Variants in AUTS2 observed in about 807,000 individuals in gnomAD.
AUTS2 encodes the protein autism susceptibility gene 2 protein.
A neutral mutation model predicts 112.4 loss-of-function variants in AUTS2; 17 were observed. The observed-to-expected ratio is 0.15, with a 90% CI of 0.10 to 0.23. The LOEUF is 0.23. Among genes scored for constraint, AUTS2 ranks in the 10% least tolerant of loss-of-function variants. AUTS2 has a pLI of 1.00. For missense variants in AUTS2, 1,510 were observed against 1,701.6 expected (o/e 0.89, Z 1.98); for synonymous variants, 751 against 702.7 (o/e 1.07, Z -1.09).
chr7:70,568,186 T>C lies in AUTS2; in HGVS notation c.691-130383T>C, dbSNP rs76581898. On this transcript the variant is annotated intron_variant, in intron 5 of 18. Coordinates refer to ENST00000342771, the MANE Select transcript of AUTS2 (RefSeq NM_015570.4). ...CTTTGCACATGTTCACTTTCTAATA[T>C]AGTGTCTTCTTGGGGAGACTGTTTT... 9.6e-3 allele frequency among the ~76,000 whole-genome samples: 1,461 copies of C among 152,346 alleles called. 25 individuals are homozygous for C. Among genetic ancestry groups the C allele is most frequent in the African/African-American group, 0.033 (1,389 of 41,580 alleles).
chr7:70,220,376 T>C (rs1562796279), intron 4 of AUTS2, among the ~76,000 whole-genome samples: 1 of 152,206 alleles, frequency 6.6e-6, no homozygotes, highest in Non-Finnish European at 1.5e-5. Context: ...GCGTCACTCC[T>C]CATTCTTTAG....
chr7:70,717,160 T>C (rs1212099498), intron 6 of AUTS2, among the ~76,000 whole-genome samples: 1 of 152,012 alleles, frequency 6.6e-6, no homozygotes, highest in Non-Finnish European at 1.5e-5. Context: ...GCCTTGCGAG[T>C]AGCTAAGACT....
Position 70,637,930 on chromosome 7 carries a change from G to A in AUTS2, c.691-60639G>A, listed in dbSNP as rs761354772. On this transcript the variant is annotated intron_variant, in intron 5 of 18. Transcript: ENST00000342771. Reference sequence around the variant, plus strand: ...CCCTCCTTTCTTTAGAAATTACCTCGAGCTGCAAAGTGAGTTGGGCTCAGG... The same window carrying A: ...CCCTCCTTTCTTTAGAAATTACCTCAAGCTGCAAAGTGAGTTGGGCTCAGG... 5.9e-5 allele frequency among the ~76,000 whole-genome samples: 9 copies of A among 152,168 alleles called. No individual in the cohort carries two copies. In the South Asian group the frequency reaches 6.2e-4, roughly 11 times the overall value.
At chr7:69,911,166 GT>G (rs1795339067) in intron 2 of AUTS2, among the ~76,000 whole-genome samples, 1 of 152,244 alleles carries the variant, frequency 6.6e-6, no homozygotes, top group South Asian at 2.1e-4. Flanking sequence ...CTGCGGCAGG[GT>G]GGGCAGCCCC....
At chr7:69,702,811 C>T (rs774494297) in intron 1 of AUTS2, among the ~76,000 whole-genome samples, 85 of 152,302 alleles carry the variant, frequency 5.6e-4, no homozygotes, top group Non-Finnish European at 1.1e-3. Flanking sequence ...TGTTTGGAAG[C>T]ATTGCTCTAG....
At chr7:70,235,222 C>G (rs1000494109) in intron 4 of AUTS2, among the ~76,000 whole-genome samples, 1 of 152,054 alleles carries the variant, frequency 6.6e-6, no homozygotes, top group Non-Finnish European at 1.5e-5. Flanking sequence ...TAACCTGGAA[C>G]TCCTGGGCTC....
intron 1 of AUTS2, among the ~76,000 whole-genome samples, chr7:69,890,862 T>G (rs1794489545): frequency 6.6e-6 from 1 of 152,220 alleles, no homozygotes; most frequent in African/African-American, 2.4e-5. Context: ...CATCCCTTGG[T>G]TTTAGGATTC....
chr7:70,272,808 TAAAG>T (rs1157515360), intron 4 of AUTS2, among the ~76,000 whole-genome samples: 2 of 152,016 alleles, frequency 1.3e-5, no homozygotes, highest in Non-Finnish European at 2.9e-5. Flanking sequence ...TTTTCCTAGG[TAAAG>T]AAAACGTCTC....
At chr7:70,457,396 A>G (rs888564227) in intron 5 of AUTS2, among the ~76,000 whole-genome samples, 2 of 152,036 alleles carry the variant, frequency 1.3e-5, no homozygotes, top group Non-Finnish European at 2.9e-5. Flanking sequence ...CCTTGTGTCC[A>G]CACCTCAGAC....
chr7:70,220,607 T>C (rs1221091088), intron 4 of AUTS2, among the ~76,000 whole-genome samples: 1 of 152,206 alleles, frequency 6.6e-6, no homozygotes, highest in African/African-American at 2.4e-5. Flanking sequence ...TTAGGTGATC[T>C]GCTAAGTAAG....
chr7:69,946,586 ACACACACACACACACACACACG>A (rs1562987021), intron 2 of AUTS2, among the ~76,000 whole-genome samples: 3 of 117,482 alleles, frequency 2.6e-5, no homozygotes, highest in South Asian at 2.8e-4. Context: ...ACACACACAC[ACACACACACACACACACACACG>A]CACGCACACA....
chr7:70,358,645 C>T (rs1305559574), intron 4 of AUTS2, among the ~76,000 whole-genome samples: 1 of 152,184 alleles, frequency 6.6e-6, no homozygotes, highest in African/African-American at 2.4e-5. Flanking sequence ...TTGGTGTGCA[C>T]CACATGGTCC....
chr7:69,983,537 G>A (rs1798382642), intron 2 of AUTS2, among the ~76,000 whole-genome samples: 2 of 151,660 alleles, frequency 1.3e-5, no homozygotes, highest in African/African-American at 4.9e-5. Flanking sequence ...TGTGTGTGAA[G>A]GTTATGTGGG....
At chr7:70,768,518 C>G (rs1790082196) in intron 10 of AUTS2, among the ~76,000 whole-genome samples, 1 of 152,104 alleles carries the variant, frequency 6.6e-6, no homozygotes, top group South Asian at 2.1e-4. Flanking sequence ...TTCATTTGCT[C>G]TAGACTAAAT....
At chr7:70,614,455 T>G (rs1008281033) in intron 5 of AUTS2, among the ~76,000 whole-genome samples, 48 of 152,336 alleles carry the variant, frequency 3.2e-4, no homozygotes, top group African/African-American at 1.1e-3. Flanking sequence ...ACTCTAGGGA[T>G]GCTCACGATG....
chr7:70,546,454 A>C (rs753954038), intron 5 of AUTS2, among the ~76,000 whole-genome samples: 10 of 150,962 alleles, frequency 6.6e-5, no homozygotes, highest in Non-Finnish European at 1.3e-4. Context: ...AAAACAAATC[A>C]AAAAATTTAA....
chr7:70,758,925 G>A (rs1789388559), intron 6 of AUTS2, among the ~76,000 whole-genome samples: 2 of 151,982 alleles, frequency 1.3e-5, no homozygotes, highest in South Asian at 4.2e-4. Flanking sequence ...TGCCTCAAGA[G>A]ACTCTTGTAA....
chr7:69,833,210 TC>T (rs1791576612), intron 1 of AUTS2, among the ~76,000 whole-genome samples: 1 of 152,120 alleles, frequency 6.6e-6, no homozygotes, highest in Admixed American at 6.5e-5. Context: ...AGGTTACCGG[TC>T]CGGGAACCAC....
In AUTS2 at chr7:70,790,669, G is replaced by A; in HGVS notation, c.3453G>A (p.Glu1151=). The change falls in exon 19 of 19, where the codon GAG becomes GAA. Residue 1151 remains glutamate, a synonymous_variant. Transcript: ENST00000342771. The surrounding 1 kb of genome is among the most constrained non-coding windows in gnomAD (Gnocchi z 7.6). ...ACGAGCGGGGAGGCCACCTGGACGA[G>A]CGGGAGCGCTTGCACATGCTCAGAG... is the stretch of plus-strand genomic sequence containing the variant. The part of the protein sequence containing the change: ...REHERGGHLD[E]RERLHMLRED... 1.2e-6 allele frequency: 2 copies of A among 1,613,564 alleles called. No homozygotes were observed. Among genetic ancestry groups the A allele is most frequent in the Non-Finnish European group, 1.7e-6 (2 of 1,179,896 alleles).
Sources: gnomAD v4.1 joint callset for allele counts (sites outside exome capture counted in the v4.1 genomes callset) on GRCh38, gnomAD v4.1.1 for gene constraint, Gnocchi (gnomAD v3.1) non-coding constraint, MANE v1.5 for transcripts, NCBI Gene and HGNC (gene_info 2026-07-23, HGNC 2026-07-21) for gene names.